Variants in AFF3 observed in about 807,000 individuals in gnomAD.
The protein encoded by AFF3 is ALF transcription elongation factor 3.
In AFF3, 32 loss-of-function variants were observed where a neutral mutation model predicts 129.7. The observed-to-expected ratio is 0.25, with a 90% confidence interval of 0.19 to 0.33. The LOEUF is 0.33. AFF3 is among the 10% of genes least tolerant of loss of function. AFF3 has a pLI of 1.00. For synonymous variants in AFF3, 644 were observed against 635.4 expected (o/e 1.01, Z -0.20); for missense variants, 1,373 against 1,592.0 (o/e 0.86, Z 2.34).
chr2:99,678,253 T>A (rs1674192821), intron 11 of AFF3, among the ~76,000 whole-genome samples: 1 of 152,238 alleles, frequency 6.6e-6, no homozygotes, highest in Non-Finnish European at 1.5e-5. Flanking sequence ...TTTTAACATT[T>A]GATTACCATA....
At chr2:99,623,065 G>C (rs1344077053) in intron 13 of AFF3, among the ~76,000 whole-genome samples, 1 of 152,036 alleles carries the variant, frequency 6.6e-6, no homozygotes, top group Non-Finnish European at 1.5e-5. Context: ...TCAGACTTCA[G>C]AGCACACCTG....
At position 99,698,890 on chromosome 2, in the gene AFF3, T is replaced by C. The variant is rs951774263; in HGVS notation, c.1092-26301A>G. ...TCTATAAAAATATGATTACCCATTC[T>C]AGCTTTATTTTGATGTTAATATTTA... On this transcript the variant is annotated intron_variant, in intron 11 of 24. Transcript: ENST00000672756. 3.9e-5 allele frequency among the ~76,000 whole-genome samples: 6 copies of C among 152,372 alleles called. No homozygotes were observed. The East Asian group carries it at 1.2e-3, about 29-fold the overall frequency.
At chr2:99,755,571 T>C (rs1050096504) in intron 8 of AFF3, among the ~76,000 whole-genome samples, 4 of 152,116 alleles carry the variant, frequency 2.6e-5, no homozygotes. Flanking sequence ...CCGGCCCCTA[T>C]TGGTTTTTTA....
In AFF3 at chr2:99,849,530, G is replaced by A. The variant is rs548425702; in HGVS notation, c.874-12006C>T. Among the ~76,000 whole-genome samples, 74 of 152,218 alleles carry A rather than the reference G, an allele frequency of 4.9e-4. 1 individual carries two copies. Among genetic ancestry groups the A allele is most frequent in the African/African-American group, 1.7e-3 (70 of 41,528 alleles). On this transcript the variant is annotated intron_variant, in intron 7 of 24. Transcript: ENST00000672756. ...CTAGACCATACGTTTTTCATTTGTA[G>A]AACCGAGACAGTAACAGCACCTACG...
chr2:99,747,349 A>C lies in AFF3; in HGVS notation c.1003-3209T>G, dbSNP rs117358548. Among the ~76,000 whole-genome samples, 358 of 150,260 alleles carry C rather than the reference A, an allele frequency of 2.4e-3. 1 individual carries two copies. In the East Asian group the frequency reaches 0.047, roughly 20 times the overall value. ...CCGGCCTATCTTATTTATTTTTTAGAGACAGGGCCACATTCTGTTACCCAG... is the reference window on the plus strand; with the variant it reads ...CCGGCCTATCTTATTTATTTTTTAGCGACAGGGCCACATTCTGTTACCCAG... On this transcript the variant is annotated intron_variant, in intron 9 of 24. Coordinates refer to ENST00000672756, the MANE Select transcript of AFF3 (RefSeq NM_001386135.1).
intron 11 of AFF3, among the ~76,000 whole-genome samples, chr2:99,675,176 T>G (rs2104490263): frequency 6.6e-6 from 1 of 152,360 alleles, no homozygotes; most frequent in Non-Finnish European, 1.5e-5. Flanking sequence ...ATTTATTGTG[T>G]TTCCGGCTGG....
chr2:99,889,127 G>A (rs1258738145), intron 7 of AFF3, among the ~76,000 whole-genome samples: 1 of 152,120 alleles, frequency 6.6e-6, no homozygotes, highest in Non-Finnish European at 1.5e-5. Flanking sequence ...ATTCTAGACA[G>A]ATTTTTTTTT....
intron 12 of AFF3, among the ~76,000 whole-genome samples, chr2:99,649,906 G>A (rs766602584): frequency 9.9e-5 from 15 of 151,872 alleles, no homozygotes; most frequent in Non-Finnish European, 2.1e-4. Context: ...TAGGGGATGA[G>A]TTTGTCGGGG....
intron 13 of AFF3, among the ~76,000 whole-genome samples, chr2:99,631,655 C>A (rs1683128266): frequency 6.6e-6 from 1 of 152,208 alleles, no homozygotes; most frequent in Non-Finnish European, 1.5e-5. Context: ...CCTCAAGATT[C>A]ATCCGTGTTG....
At position 99,565,595 on chromosome 2, in the gene AFF3, T is replaced by G; in HGVS notation, c.3011A>C (p.Tyr1004Ser). The change falls in exon 20 of 25, where the codon TAT (tyrosine) becomes TCT (serine). Residue 1004 changes from tyrosine (Y) to serine (S), a missense_variant. Transcript: ENST00000672756. ...MVEKFGKALNYAEAALSFIEC... is the reference protein window; with the variant it reads ...MVEKFGKALNSAEAALSFIEC... Reference sequence around the variant, plus strand: ...GATAAACGACAATGCTGCTTCAGCATAGTTCAAAGCCTTTCCAAACTTTTC... The same window carrying G: ...GATAAACGACAATGCTGCTTCAGCAGAGTTCAAAGCCTTTCCAAACTTTTC... The G allele has an allele frequency of 6.2e-7, 1 of 1,614,238 alleles. No homozygotes were observed. Among genetic ancestry groups the G allele is most frequent in the Non-Finnish European group, 8.5e-7 (1 of 1,180,042 alleles).
intron 3 of AFF3, chr2:100,105,246 G>A (rs1345109531): frequency 4.0e-5 from 43 of 1,086,852 alleles, no homozygotes; most frequent in Non-Finnish European, 1.8e-5. Context: ...CCCGCGGGCG[G>A]CGGACCCGGG....
intron 4 of AFF3, among the ~76,000 whole-genome samples, chr2:100,037,558 TTATTTATATATAAA>T (rs1685037168): frequency 0.05 from 2 of 40 alleles, no homozygotes; most frequent in African/African-American, 0.067. Context: ...ATTTTATATA[TTATTTATATATAAA>T]TATATATTTA....
chr2:99,937,505 T>C (rs1209639555), intron 7 of AFF3, among the ~76,000 whole-genome samples: 1 of 152,152 alleles, frequency 6.6e-6, no homozygotes, highest in African/African-American at 2.4e-5. Context: ...TTCAAGCGAT[T>C]CTCCCGCCTC....
intron 15 of AFF3, 23 bp from the exon 16 acceptor site, chr2:99,587,301 C>T: frequency 6.2e-7 from 1 of 1,613,486 alleles, no homozygotes; most frequent in Non-Finnish European, 8.5e-7. Context: ...AAACTAAAGT[C>T]AATCAGCACT....
At chr2:99,656,406 C>G (rs578231155) in intron 12 of AFF3, among the ~76,000 whole-genome samples, 1 of 152,236 alleles carries the variant, frequency 6.6e-6, no homozygotes, top group African/African-American at 2.4e-5. Flanking sequence ...CTTGTTGCAC[C>G]TGTGATAGGA....
rs562082349 is a variant in AFF3, at chr2:99,880,925, G to A, written c.874-43401C>T. ...GGAAAATTCCCCTTCTGTCTACCCC[G>A]CAAGTCCCACTTGGTTCAGATGGGG... On this transcript the variant is annotated intron_variant, in intron 7 of 24. Transcript: ENST00000672756. Among the ~76,000 whole-genome samples, 50 of 152,268 alleles carry A rather than the reference G, an allele frequency of 3.3e-4. No homozygotes were observed. The East Asian group carries it at 6.8e-3, about 21-fold the overall frequency.
intron 12 of AFF3, 59 bp downstream of exon 12, chr2:99,672,479 A>T: frequency 6.5e-7 from 1 of 1,542,450 alleles, no homozygotes; most frequent in East Asian, 2.2e-5. Context: ...GGCACAGTCC[A>T]CCAGGTAACT....
chr2:100,091,355 C>T (rs1689843722), intron 4 of AFF3, among the ~76,000 whole-genome samples: 1 of 152,164 alleles, frequency 6.6e-6, no homozygotes, highest in African/African-American at 2.4e-5. Flanking sequence ...GTTAGGACAA[C>T]ATCGTGGGAC....
chr2:99,682,050 G>A (rs987948083), intron 11 of AFF3, among the ~76,000 whole-genome samples: 1 of 152,000 alleles, frequency 6.6e-6, no homozygotes, highest in Non-Finnish European at 1.5e-5. Context: ...GGGACTACAG[G>A]TGCCTGCCAC....
Sources: allele counts gnomAD v4.1 joint callset (sites outside exome capture counted in the v4.1 genomes callset), GRCh38; gene constraint gnomAD v4.1.1; transcripts MANE v1.5; gene names NCBI Gene and HGNC (gene_info 2026-07-23, HGNC 2026-07-21).